DYNLRB1: variants seen among roughly 807,000 people sequenced by gnomAD.
The protein encoded by DYNLRB1 is ROBL/LC7-like 1.
DYNLRB1 carries 6 observed loss-of-function variants against 13.5 expected under a neutral mutation model. That is an observed-to-expected ratio of 0.44 (90% CI 0.24 to 0.88). DYNLRB1 has a LOEUF of 0.88. DYNLRB1 is among the 40% of genes least tolerant of loss of function. The pLI, the probability that DYNLRB1 is intolerant of heterozygous loss-of-function variation, is 0.21. For synonymous variants in DYNLRB1, 43 were observed against 45.0 expected, an observed-to-expected ratio of 0.96 and a Z score of 0.18; for missense variants, 93 against 127.2, an observed-to-expected ratio of 0.73 and a Z score of 1.29.
intron 3 of DYNLRB1, chr20:34,535,165 T>C (rs1349214625): frequency 2.0e-6 from 2 of 985,262 alleles, no homozygotes; most frequent in Non-Finnish European, 2.4e-6. Context: ...GAGCTGAATC[T>C]TAAGGGCACC....
chr20:34,516,259 T>C, upstream of DYNLRB1: 1 of 825,350 alleles, frequency 1.2e-6, no homozygotes, highest in Non-Finnish European at 1.8e-6. Flanking sequence ...CACTGCTCCT[T>C]AGCTTTTCGC....
At chr20:34,530,980 T>G (rs1387351009) in intron 2 of DYNLRB1, 1 of 152,208 alleles carries the variant, frequency 6.6e-6, no homozygotes, top group Non-Finnish European at 1.5e-5. Flanking sequence ...AAATGGTGTT[T>G]CATAATAAAA....
intron 3 of DYNLRB1, among the ~76,000 whole-genome samples, chr20:34,537,409 T>C (rs1981230687): frequency 6.6e-6 from 1 of 152,108 alleles, no homozygotes. Context: ...TGTAAGCACA[T>C]AGTAAGCATC....
chr20:34,537,543 G>T (rs1177528452), intron 3 of DYNLRB1, among the ~76,000 whole-genome samples: 2 of 152,208 alleles, frequency 1.3e-5, no homozygotes. Context: ...TGTCTGTGGG[G>T]CATAGTTTTA....
At chr20:34,523,186 G>A (rs1568598738) in intron 1 of DYNLRB1, among the ~76,000 whole-genome samples, 3 of 152,158 alleles carry the variant, frequency 2.0e-5, no homozygotes, top group Admixed American at 6.5e-5. Flanking sequence ...GTTACATCAA[G>A]CAGTGAGTGA....
rs556476885 is a variant in DYNLRB1 at position 34,519,406 on chromosome 20, AACTTT to A, written c.3+2952_3+2956del. Among the ~76,000 whole-genome samples, 11 of 152,310 alleles carry A rather than the reference AACTTT, an allele frequency of 7.2e-5. No individual in the cohort carries two copies. The South Asian group carries it at 2.1e-3, about 29-fold the overall frequency. ...GAATATATATATATTTGTATATGTTAACTTTACTTTAAGGCTGAAGTGGAGAGATC... is the reference window on the plus strand; with the variant it reads ...GAATATATATATATTTGTATATGTTAACTTTAAGGCTGAAGTGGAGAGATC... On this transcript the variant is annotated intron_variant, in intron 1 of 3. Transcript: ENST00000357156.
Position 34,534,366 on chromosome 20 carries a change from C to CTGTA in DYNLRB1, c.80-261_80-260insGTAT, listed in dbSNP as rs1172228062. ...TGTGAATCCTGGCCCCACTGTGTGA[C>CTGTA]TACAGACAGGTCGCCTCATCACTCA... On this transcript the variant is annotated intron_variant, in intron 2 of 3. Transcript: ENST00000357156. Among the ~76,000 whole-genome samples, 3 of 152,350 alleles carry CTGTA rather than the reference C, an allele frequency of 2.0e-5. No individual in the cohort carries two copies. In the East Asian group the frequency reaches 5.8e-4, roughly 29 times the overall value.
At chr20:34,533,540 G>T (rs777366041) in intron 2 of DYNLRB1, 26 of 985,290 alleles carry the variant, frequency 2.6e-5, no homozygotes, top group Non-Finnish European at 2.8e-5. Flanking sequence ...GAAGTTTGTG[G>T]CCGGGCGCGG....
At chr20:34,529,284 C>A (rs560303436) in intron 2 of DYNLRB1, among the ~76,000 whole-genome samples, 1 of 152,246 alleles carries the variant, frequency 6.6e-6, no homozygotes, top group Non-Finnish European at 1.5e-5. Flanking sequence ...ATTCAGTGGG[C>A]TCTAATTTGT....
intron 1 of DYNLRB1, among the ~76,000 whole-genome samples, chr20:34,519,998 G>T (rs1485510571): frequency 6.6e-6 from 1 of 151,980 alleles, no homozygotes; most frequent in African/African-American, 2.4e-5. Flanking sequence ...GCCGGAAGCC[G>T]TGCATCTGTA....
chr20:34,530,096 AGG>A, intron 2 of DYNLRB1: 1 of 1,236,966 alleles, frequency 8.1e-7, no homozygotes, highest in South Asian at 3.6e-5. Context: ...AGACAACCCC[AGG>A]GGCCAACAGC....
chr20:34,519,028 G>A (rs867913701), intron 1 of DYNLRB1, among the ~76,000 whole-genome samples: 1 of 152,182 alleles, frequency 6.6e-6, no homozygotes. Flanking sequence ...GAGTAGCTGG[G>A]ACTGCAGGAG....
upstream of DYNLRB1, among the ~76,000 whole-genome samples, chr20:34,516,244 T>C (rs149336174): frequency 1.3e-5 from 2 of 152,376 alleles, no homozygotes; most frequent in African/African-American, 4.8e-5. Context: ...TTCCACAGCT[T>C]AGCGCACTGC....
intron 2 of DYNLRB1, chr20:34,529,960 T>C (rs1232727777): frequency 7.2e-7 from 1 of 1,392,088 alleles, no homozygotes; most frequent in Non-Finnish European, 9.4e-7. Context: ...GCTTCAGCCC[T>C]CAACTGCCTC....
chr20:34,531,327 C>T (rs1980697068), intron 2 of DYNLRB1: 1 of 152,266 alleles, frequency 6.6e-6, no homozygotes, highest in Non-Finnish European at 1.5e-5. Context: ...AGATAACCAG[C>T]TACTTCTGCA....
Sources: allele counts gnomAD v4.1 joint callset (sites outside exome capture counted in the v4.1 genomes callset), GRCh38; gene constraint gnomAD v4.1.1; transcripts MANE v1.5; gene names NCBI Gene and HGNC (gene_info 2026-07-23, HGNC 2026-07-21).